The following FUT8 variants were observed in gnomAD, a reference collection of about 807,000 sequenced individuals.
FUT8 encodes fucosyltransferase 8, also known as alpha-(1,6)-fucosyltransferase.
A neutral mutation model predicts 71.3 loss-of-function variants in FUT8; 29 were observed. The observed-to-expected ratio is 0.41, with a 90% CI of 0.30 to 0.55. The LOEUF (loss-of-function observed/expected upper bound fraction) is 0.55, where lower values mean the gene tolerates loss of function less well. Among genes scored for constraint, FUT8 ranks in the 20% least tolerant of loss-of-function variants. The probability of loss-of-function intolerance (pLI) is 0.34; values close to 1 mark genes in which losing one functional copy is unlikely to be tolerated. For synonymous variants in FUT8, 254 were observed against 239.3 expected (o/e 1.06, Z -0.57); for missense variants, 544 against 702.1 (o/e 0.77, Z 2.55).
rs2066168467 is a variant in FUT8 at position 65,472,769 on chromosome 14, T to C, written c.-228+17051T>C. On this transcript the variant is annotated intron_variant, in intron 2 of 10. Transcript: ENST00000673929. The surrounding 1 kb of genome is among the most constrained non-coding windows in gnomAD (Gnocchi z 4.4). ...TTAGTAGATTGCCCACTAATTATTT[T>C]TATGAGCACAGAATAAGGTAATGTT... Among the ~76,000 whole-genome samples the C allele has an allele frequency of 6.6e-6, 1 of 152,190 alleles. No individual in the cohort carries two copies. Among genetic ancestry groups the C allele is most frequent in the African/African-American group, 2.4e-5 (1 of 41,456 alleles).
intron 1 of FUT8, among the ~76,000 whole-genome samples, chr14:65,414,815 G>A (rs534832139): frequency 3.9e-5 from 6 of 152,252 alleles, no homozygotes; most frequent in African/African-American, 1.4e-4. Context: ...ATGCAAAAAT[G>A]TATCTTTGGT....
At chr14:65,416,300 T>A (rs1241536799) in intron 1 of FUT8, among the ~76,000 whole-genome samples, 1 of 151,640 alleles carries the variant, frequency 6.6e-6, no homozygotes, top group Non-Finnish European at 1.5e-5. Flanking sequence ...ACTAAAAGTA[T>A]TACTATTATG....
intron 2 of FUT8, among the ~76,000 whole-genome samples, chr14:65,560,237 A>G (rs1208175096): frequency 6.6e-6 from 1 of 152,132 alleles, no homozygotes; most frequent in African/African-American, 2.4e-5. Flanking sequence ...AGTCTCGTAT[A>G]CAGAAACTAT....
chr14:65,503,259 A>G (rs1354230647), intron 2 of FUT8, among the ~76,000 whole-genome samples: 1 of 152,216 alleles, frequency 6.6e-6, no homozygotes, highest in Admixed American at 6.5e-5. Context: ...GTACATATTT[A>G]AGGGAAACTG....
intron 1 of FUT8, among the ~76,000 whole-genome samples, chr14:65,419,996 ATGT>A (rs2065269861): frequency 6.6e-6 from 1 of 152,210 alleles, no homozygotes. Context: ...GAGAGATATA[ATGT>A]TACTTTTAAT....
At chr14:65,427,309 A>G (rs754762838) in intron 1 of FUT8, among the ~76,000 whole-genome samples, 2 of 152,190 alleles carry the variant, frequency 1.3e-5, no homozygotes, top group Non-Finnish European at 1.5e-5. Flanking sequence ...ATGTATACCC[A>G]TAAGTGGAAT....
intron 2 of FUT8, among the ~76,000 whole-genome samples, chr14:65,495,052 T>C (rs2066537794): frequency 6.6e-6 from 1 of 152,032 alleles, no homozygotes; most frequent in African/African-American, 2.4e-5. Flanking sequence ...GTGTGAAACA[T>C]GGTGTTTGTT....
the FUT8 span, among the ~76,000 whole-genome samples, chr14:65,380,284 T>C: frequency 6.6e-6 from 1 of 152,010 alleles, no homozygotes; most frequent in Non-Finnish European, 1.5e-5. Flanking sequence ...ATTACTAGAA[T>C]AGCATGGGAA....
intron 3 of FUT8, among the ~76,000 whole-genome samples, chr14:65,599,769 G>A (rs1888201682): frequency 1.3e-5 from 2 of 152,180 alleles, no homozygotes; most frequent in Admixed American, 1.3e-4. Context: ...TTACAGTAGT[G>A]TGAATTGGCA....
chr14:65,524,658 C>T (rs948951979), intron 2 of FUT8, among the ~76,000 whole-genome samples: 1 of 152,126 alleles, frequency 6.6e-6, no homozygotes, highest in African/African-American at 2.4e-5. Context: ...TGCCAGTTTT[C>T]AAAGGGAATG....
At chr14:65,524,563 A>C (rs1413647988) in intron 2 of FUT8, among the ~76,000 whole-genome samples, 1 of 152,124 alleles carries the variant, frequency 6.6e-6, no homozygotes, top group Admixed American at 6.5e-5. Flanking sequence ...AATGCCCTTT[A>C]TTTCTTTCAC....
At chr14:65,674,809 C>T (rs1402829343) in intron 7 of FUT8, among the ~76,000 whole-genome samples, 2 of 152,164 alleles carry the variant, frequency 1.3e-5, no homozygotes, top group Non-Finnish European at 2.9e-5. Context: ...TCTGGTTGTG[C>T]AGGAGGCTAT....
chr14:65,408,557 T>A (rs1326867652), upstream of FUT8, among the ~76,000 whole-genome samples: 1 of 152,202 alleles, frequency 6.6e-6, no homozygotes, highest in Non-Finnish European at 1.5e-5. Context: ...ACCTAAAGAA[T>A]TGGCAGATGA....
chr14:65,441,172 T>C (rs1349231078), intron 1 of FUT8, among the ~76,000 whole-genome samples: 1 of 152,134 alleles, frequency 6.6e-6, no homozygotes, highest in Non-Finnish European at 1.5e-5. Context: ...CAGGTAACTT[T>C]TAATTTTCTT....
rs889557785 is a variant in FUT8 at position 65,472,140 on chromosome 14, G to A, written c.-228+16422G>A. Among the ~76,000 whole-genome samples, 8 of 152,164 alleles carry A rather than the reference G, an allele frequency of 5.3e-5. No homozygotes were observed. The South Asian group carries it at 1.7e-3, about 32-fold the overall frequency. On this transcript the variant is annotated intron_variant, in intron 2 of 10. Transcript: ENST00000673929. The surrounding 1 kb of genome is among the most constrained non-coding windows in gnomAD (Gnocchi z 4.4). ...CCGCACAGTTCTGCAGGCTGTACAA[G>A]AAGTATGGCACCAGGATCGGCTTGT...
At chr14:65,696,870 GT>G (rs887482556) in intron 7 of FUT8, among the ~76,000 whole-genome samples, 1 of 151,896 alleles carries the variant, frequency 6.6e-6, no homozygotes, top group East Asian at 1.9e-4. Context: ...CTGTTATGGT[GT>G]TTTTTTATTT....
intron 7 of FUT8, among the ~76,000 whole-genome samples, chr14:65,708,234 C>T (rs1894650433): frequency 6.6e-6 from 1 of 152,156 alleles, no homozygotes. Context: ...GGGGCTCTTC[C>T]CTCTTCACTT....
chr14:65,412,536 G>C (rs571654836), upstream of FUT8: 249 of 357,742 alleles, frequency 7.0e-4, 1 homozygote, highest in South Asian at 5.1e-3. Context: ...CCGCTGCCCT[G>C]CTGGAACTGT....
chr14:65,546,245 ACTAT>A (rs754520438), intron 2 of FUT8, among the ~76,000 whole-genome samples: 1 of 151,656 alleles, frequency 6.6e-6, no homozygotes, highest in Non-Finnish European at 1.5e-5. Flanking sequence ...GATTTCCATC[ACTAT>A]CTGTTAGTTT....
Sources: gnomAD v4.1 joint callset for allele counts (sites outside exome capture counted in the v4.1 genomes callset) on GRCh38, gnomAD v4.1.1 for gene constraint, Gnocchi (gnomAD v3.1) non-coding constraint, MANE v1.5 for transcripts, NCBI Gene and HGNC (gene_info 2026-07-23, HGNC 2026-07-21) for gene names.